The following C12orf42 variants were observed in gnomAD, a reference collection of about 807,000 sequenced individuals.
C12orf42 encodes the protein uncharacterized protein C12orf42.
Under a neutral mutation model 21.6 loss-of-function variants are expected in C12orf42, and 25 were observed. The ratio of observed to expected loss-of-function variants is 1.16; its 90% CI spans 0.84 to 1.62. The LOEUF (loss-of-function observed/expected upper bound fraction) is 1.62, where lower values mean the gene tolerates loss of function less well. C12orf42 is among the 40% of genes most tolerant of loss of function. The pLI, the probability that C12orf42 is intolerant of heterozygous loss-of-function variation, is 0.00. For missense variants in C12orf42, 483 were observed against 459.3 expected (o/e 1.05, Z -0.47); for synonymous variants, 174 against 175.0 (o/e 0.99, Z 0.05).
At chr12:103,412,141 T>G (rs1435369216) in intron 2 of C12orf42, among the ~76,000 whole-genome samples, 1 of 152,224 alleles carries the variant, frequency 6.6e-6, no homozygotes, top group East Asian at 1.9e-4. Context: ...AAACTCTTTC[T>G]GAAGACTCAC....
At chr12:103,165,805 G>A in the C12orf42 span, among the ~76,000 whole-genome samples, 1 of 145,018 alleles carries the variant, frequency 6.9e-6, no homozygotes, top group African/African-American at 2.7e-5. Context: ...ACTTTGGGAG[G>A]CCGAGGGGGT....
At chr12:103,329,435 G>A (rs538954174) in intron 4 of C12orf42, among the ~76,000 whole-genome samples, 1 of 151,896 alleles carries the variant, frequency 6.6e-6, no homozygotes, top group African/African-American at 2.4e-5. Context: ...ATGCATGTGG[G>A]GCTTAAAACC....
the C12orf42 span, among the ~76,000 whole-genome samples, chr12:103,155,578 C>T: frequency 1.3e-5 from 2 of 151,680 alleles, no homozygotes; most frequent in Non-Finnish European, 2.9e-5. Flanking sequence ...TTGGGATGCT[C>T]ATGGCTAATT....
At chr12:103,193,512 AG>A in the C12orf42 span, among the ~76,000 whole-genome samples, 1 of 151,992 alleles carries the variant, frequency 6.6e-6, no homozygotes, top group African/African-American at 2.4e-5. Context: ...GAAATTAAAA[AG>A]GGGACACTAC....
intron 2 of C12orf42, among the ~76,000 whole-genome samples, chr12:103,404,134 A>G (rs1288121896): frequency 6.6e-6 from 1 of 152,192 alleles, no homozygotes; most frequent in Non-Finnish European, 1.5e-5. Context: ...AATTTTTTAT[A>G]AAGCATTATT....
the C12orf42 span, among the ~76,000 whole-genome samples, chr12:103,218,892 C>T: frequency 6.6e-6 from 1 of 152,172 alleles, no homozygotes; most frequent in Non-Finnish European, 1.5e-5. Flanking sequence ...GAATTGTTAC[C>T]ACAACCCTGT....
chr12:103,386,792 A>G (rs1401130251), intron 3 of C12orf42, among the ~76,000 whole-genome samples: 1 of 152,152 alleles, frequency 6.6e-6, no homozygotes, highest in Non-Finnish European at 1.5e-5. Flanking sequence ...GTTGACCGAG[A>G]CTCCAAGTGC....
At chr12:103,250,558 C>T (rs1453497314) in intron 10 of C12orf42, among the ~76,000 whole-genome samples, 15 of 152,090 alleles carry the variant, frequency 9.9e-5, no homozygotes, top group Non-Finnish European at 1.0e-4. Context: ...ATGTCCAGTG[C>T]TCTTGTTCAT....
chr12:103,556,521 G>A, the C12orf42 span, among the ~76,000 whole-genome samples: 1 of 152,100 alleles, frequency 6.6e-6, no homozygotes, highest in Admixed American at 6.5e-5. Flanking sequence ...CCTATTTTTT[G>A]GAGCAATCAT....
At chr12:103,344,847 G>A (rs2042473699) in intron 4 of C12orf42, among the ~76,000 whole-genome samples, 1 of 152,160 alleles carries the variant, frequency 6.6e-6, no homozygotes, top group Non-Finnish European at 1.5e-5. Flanking sequence ...AAAAAGAGAA[G>A]TCACAACAGT....
At chr12:103,505,469 GCT>G in the C12orf42 span, 2 of 381,192 alleles carry the variant, frequency 5.2e-6, no homozygotes, top group South Asian at 4.3e-5. Context: ...ACGTCTGGGT[GCT>G]CTGAGTCATG....
intron 1 of C12orf42, among the ~76,000 whole-genome samples, chr12:103,492,148 G>A (rs1955228630): frequency 6.6e-6 from 1 of 152,078 alleles, no homozygotes; most frequent in Non-Finnish European, 1.5e-5. Flanking sequence ...AGTAGAGATG[G>A]GGTTTCACCC....
At chr12:103,231,687 A>G in the C12orf42 span, among the ~76,000 whole-genome samples, 1 of 152,128 alleles carries the variant, frequency 6.6e-6, no homozygotes, top group Non-Finnish European at 1.5e-5. Flanking sequence ...GTCTGGATGT[A>G]TCGGTCTGTT....
the C12orf42 span, among the ~76,000 whole-genome samples, chr12:103,133,350 A>T: frequency 6.6e-6 from 1 of 152,160 alleles, no homozygotes; most frequent in Non-Finnish European, 1.5e-5. Context: ...TACCCAGTCC[A>T]CTATTGTTAC....
chr12:103,547,788 C>T, the C12orf42 span: 1 of 152,230 alleles, frequency 6.6e-6, no homozygotes, highest in Admixed American at 6.5e-5. Flanking sequence ...CACACTGTGA[C>T]AACACAGGTC....
the C12orf42 span, among the ~76,000 whole-genome samples, chr12:103,524,625 T>C: frequency 1.3e-5 from 2 of 152,212 alleles, no homozygotes; most frequent in Non-Finnish European, 1.5e-5. Flanking sequence ...TTCAAGTTAT[T>C]TGAAATGTGT....
chr12:103,111,146 C>A, the C12orf42 span, among the ~76,000 whole-genome samples: 1 of 151,456 alleles, frequency 6.6e-6, no homozygotes, highest in Admixed American at 6.6e-5. Flanking sequence ...TTGTGATTTC[C>A]CTTTAAACCA....
intron 10 of C12orf42, chr12:103,262,443 C>T (rs533907482): frequency 8.5e-5 from 13 of 152,128 alleles, no homozygotes; most frequent in East Asian, 1.9e-4. Context: ...AAATTGAAAT[C>T]GGATGTGTGC....
the C12orf42 span, among the ~76,000 whole-genome samples, chr12:103,149,625 T>C: frequency 6.6e-6 from 1 of 152,214 alleles, no homozygotes; most frequent in African/African-American, 2.4e-5. Context: ...TCTCATGAGA[T>C]CTGATGGTTT....
Sources: allele counts gnomAD v4.1 joint callset (sites outside exome capture counted in the v4.1 genomes callset), GRCh38; gene constraint gnomAD v4.1.1; transcripts MANE v1.5; gene names NCBI Gene and HGNC (gene_info 2026-07-23, HGNC 2026-07-21).